Variants in SKIL observed in about 807,000 individuals in gnomAD.
SKIL encodes ski-like protein.
SKIL carries 20 observed loss-of-function variants against 69.6 expected under a neutral mutation model. The observed-to-expected ratio is 0.29, with a 90% CI of 0.20 to 0.42. SKIL has a LOEUF of 0.42. Among genes scored for constraint, SKIL ranks in the 10% least tolerant of loss-of-function variants. The pLI is 1.00. For missense variants in SKIL, 745 were observed against 783.1 expected (o/e 0.95, Z 0.58); for synonymous variants, 310 against 279.9 (o/e 1.11, Z -1.08).
At chr3:170,368,334 C>G (rs982506184) in intron 2 of SKIL, among the ~76,000 whole-genome samples, 5 of 151,738 alleles carry the variant, frequency 3.3e-5, no homozygotes, top group Non-Finnish European at 5.9e-5. Context: ...CACTAGTTTA[C>G]AGAGTATTTT....
chr3:170,384,947 C>T (rs917470060), intron 4 of SKIL, 182 bp downstream of exon 4: 5 of 480,968 alleles, frequency 1.0e-5, no homozygotes, highest in Non-Finnish European at 1.8e-5. Flanking sequence ...ACTTTTCTAG[C>T]GTGGTGATAG....
chr3:170,383,843 G>A (rs1340025252), intron 3 of SKIL, among the ~76,000 whole-genome samples: 2 of 152,110 alleles, frequency 1.3e-5, no homozygotes, highest in Non-Finnish European at 2.9e-5. Flanking sequence ...TGCTTTGGAA[G>A]GGTGGTGGGC....
intron 2 of SKIL, among the ~76,000 whole-genome samples, chr3:170,364,553 C>T (rs1016740604): frequency 2.0e-5 from 3 of 151,904 alleles, no homozygotes; most frequent in African/African-American, 7.3e-5. Flanking sequence ...AACTCCTGAC[C>T]TGAGGTGATC....
intron 2 of SKIL, among the ~76,000 whole-genome samples, chr3:170,365,533 T>G (rs909315692): frequency 6.6e-6 from 1 of 152,166 alleles, no homozygotes; most frequent in African/African-American, 2.4e-5. Context: ...CAAAATACTT[T>G]TGGTCCCAAG....
At chr3:170,359,225 C>T (rs543223663) in intron 1 of SKIL, among the ~76,000 whole-genome samples, 4 of 152,166 alleles carry the variant, frequency 2.6e-5, no homozygotes, top group Admixed American at 2.6e-4. Flanking sequence ...AATGAATGTT[C>T]TTCTAGTAAA....
chr3:170,361,538 A>G, intron 2 of SKIL, 109 bp downstream of exon 2: 1 of 825,200 alleles, frequency 1.2e-6, no homozygotes, highest in Non-Finnish European at 1.9e-6. Flanking sequence ...TCATGCAACA[A>G]CAACAAAATA....
At chr3:170,389,374 C>T (rs1322949651) in intron 4 of SKIL, among the ~76,000 whole-genome samples, 10 of 145,526 alleles carry the variant, frequency 6.9e-5, no homozygotes, top group East Asian at 2.1e-4. Flanking sequence ...AGTGCAGTGG[C>T]GCTATCTCGG....
chr3:170,366,688 CACACACAG>C (rs1553852224), intron 2 of SKIL, among the ~76,000 whole-genome samples: 2 of 140,766 alleles, frequency 1.4e-5, no homozygotes, highest in East Asian at 2.0e-4. Context: ...CACACACACA[CACACACAG>C]ACACACACAC....
chr3:170,384,906 C>T (rs954055279), intron 4 of SKIL, 141 bp downstream of exon 4: 7 of 560,040 alleles, frequency 1.2e-5, no homozygotes, highest in Non-Finnish European at 1.9e-5. Flanking sequence ...CTTCAAAACT[C>T]TGGGTGATTT....
intron 6 of SKIL, among the ~76,000 whole-genome samples, chr3:170,391,523 G>A (rs1196826159): frequency 6.6e-6 from 1 of 152,008 alleles, no homozygotes; most frequent in East Asian, 1.9e-4. Flanking sequence ...GTTTCACCAT[G>A]TTGGTCAGTC....
chr3:170,361,644 G>A (rs1274443995), intron 2 of SKIL, among the ~76,000 whole-genome samples: 2 of 152,082 alleles, frequency 1.3e-5, no homozygotes, highest in African/African-American at 4.8e-5. Context: ...AGAGAAGTAA[G>A]ACTATTATTC....
chr3:170,363,570 C>T (rs1736344600), intron 2 of SKIL, among the ~76,000 whole-genome samples: 1 of 152,048 alleles, frequency 6.6e-6, no homozygotes, highest in African/African-American at 2.4e-5. Flanking sequence ...ATTGCAGCCT[C>T]CGCCTCCTGG....
chr3:170,379,024 G>T (rs917296818), intron 2 of SKIL, among the ~76,000 whole-genome samples: 1 of 151,546 alleles, frequency 6.6e-6, no homozygotes, highest in Non-Finnish European at 1.5e-5. Flanking sequence ...TTACAAGTGC[G>T]TACCACCATG....
Position 170,381,314 on chromosome 3 carries a change from C to A in SKIL, c.1169C>A (p.Ser390Tyr). 6.3e-7 allele frequency: 1 copy of A among 1,585,720 alleles called. No individual in the cohort carries two copies. The highest frequency in any genetic ancestry group is 8.7e-7 in the Non-Finnish European group (1 of 1,154,146). Residue 390 changes from serine to tyrosine, a missense_variant, in exon 3 of 7, where the codon TCT (serine) becomes TAT (tyrosine). By Grantham distance (144) the Ser-to-Tyr change is moderately radical. Coordinates refer to ENST00000259119, the MANE Select transcript of SKIL (RefSeq NM_005414.5). ...PVIKQEGDHV[S>Y]QTHSFLHPSY... is the part of the protein sequence containing the mutation. ...ATAAAGCAGGAAGGTGACCATGTTT[C>A]TCAGACACATTCATTTTTACACCCC...
chr3:170,366,550 C>T (rs1424090122), intron 2 of SKIL, among the ~76,000 whole-genome samples: 1 of 152,008 alleles, frequency 6.6e-6, no homozygotes, highest in African/African-American at 2.4e-5. Flanking sequence ...GATGGTGACA[C>T]ACGCCTGTAA....
chr3:170,368,721 GT>G (rs144983263), intron 2 of SKIL, among the ~76,000 whole-genome samples: 6 of 151,960 alleles, frequency 3.9e-5, no homozygotes, highest in East Asian at 1.9e-4. Flanking sequence ...CTCATTTATA[GT>G]TTTTTTTACA....
At chr3:170,385,084 CT>C (rs1035024171) in intron 4 of SKIL, 19 of 178,752 alleles carry the variant, frequency 1.1e-4, no homozygotes, top group Middle Eastern at 2.7e-3. Flanking sequence ...TTCTTTCCTC[CT>C]TTTTTTTTCT....
intron 3 of SKIL, among the ~76,000 whole-genome samples, chr3:170,383,213 A>G (rs1560217835): frequency 6.6e-6 from 1 of 152,248 alleles, no homozygotes; most frequent in Non-Finnish European, 1.5e-5. Context: ...AAGGGGACTG[A>G]GTCTTATTTA....
chr3:170,357,819 C>G (rs1289253286), intron 1 of SKIL, 56 bp downstream of exon 1: 2 of 156,426 alleles, frequency 1.3e-5, no homozygotes, highest in Non-Finnish European at 1.4e-5. Context: ...GCCAGAGGCG[C>G]TCACCCTCCT....
Sources: gnomAD v4.1 joint callset for allele counts (sites outside exome capture counted in the v4.1 genomes callset) on GRCh38, gnomAD v4.1.1 for gene constraint, MANE v1.5 for transcripts, NCBI Gene and HGNC (gene_info 2026-07-23, HGNC 2026-07-21) for gene names.